Variants in PALS2 observed in about 807,000 individuals in gnomAD.
The protein encoded by PALS2 is protein PALS2.
PALS2 carries 27 observed loss-of-function variants against 61.6 expected under a neutral mutation model. The observed-to-expected ratio is 0.44, with a 90% confidence interval of 0.32 to 0.60. The LOEUF is 0.60. PALS2 is among the 20% of genes least tolerant of loss of function. PALS2 has a pLI of 0.05. For missense variants in PALS2, 554 were observed against 639.4 expected, an observed-to-expected ratio of 0.87 and a Z score of 1.44; for synonymous variants, 236 against 218.6, an observed-to-expected ratio of 1.08 and a Z score of -0.70.
intron 2 of PALS2, among the ~76,000 whole-genome samples, chr7:24,635,697 A>T (rs998901176): frequency 1.3e-5 from 2 of 152,134 alleles, no homozygotes; most frequent in Non-Finnish European, 2.9e-5. Flanking sequence ...GCTATCCTAT[A>T]CCTTGATTTT....
intron 2 of PALS2, among the ~76,000 whole-genome samples, chr7:24,624,765 C>G (rs1236993238): frequency 6.6e-6 from 1 of 151,864 alleles, no homozygotes; most frequent in Non-Finnish European, 1.5e-5. Context: ...TGCCACCACC[C>G]CTGGCTAATT....
chr7:24,658,839 G>A (rs1316054416), intron 5 of PALS2, among the ~76,000 whole-genome samples: 1 of 152,088 alleles, frequency 6.6e-6, no homozygotes, highest in Non-Finnish European at 1.5e-5. Context: ...GCAGGTGTGA[G>A]CCACTGCACC....
At chr7:24,574,993 AG>A (rs1443144477) in intron 1 of PALS2, among the ~76,000 whole-genome samples, 1 of 152,194 alleles carries the variant, frequency 6.6e-6, no homozygotes, top group African/African-American at 2.4e-5. Context: ...CAGTAAACAA[AG>A]AACTTTTGTG....
chr7:24,633,702 G>A (rs1785110278), intron 2 of PALS2, among the ~76,000 whole-genome samples: 1 of 151,948 alleles, frequency 6.6e-6, no homozygotes, highest in Non-Finnish European at 1.5e-5. Context: ...GAATATTGCT[G>A]CCATAAACAT....
In PALS2 at chr7:24,649,740, T is replaced by G. The variant is rs530591233; in HGVS notation, c.399T>G (p.Ile133Met). ...TAGATGCCATTCGTATTCTTGGTAT[T>G]CACAAAAGAGCTGGGGAACCACTGG... ...LPVDAIRILGIHKRAGEPLGV... is the reference protein window; with the variant it reads ...LPVDAIRILGMHKRAGEPLGV... The change falls in exon 4 of 12, where the codon ATT becomes ATG. Residue 133 changes from isoleucine (I) to methionine (M), a missense_variant. Ile to Met is a conservative substitution (Grantham distance 10). Transcript: ENST00000222644. The G allele has an allele frequency of 6.2e-7, 1 of 1,609,976 alleles. No individual in the cohort carries two copies. The highest frequency in any genetic ancestry group is 1.1e-5 in the South Asian group (1 of 90,264).
intron 1 of PALS2, among the ~76,000 whole-genome samples, chr7:24,577,316 G>T: frequency 7.4e-6 from 1 of 135,798 alleles, no homozygotes; most frequent in East Asian, 2.1e-4. Context: ...GATACTTTCT[G>T]CTTAGGAATA....
At chr7:24,665,502 T>G in intron 6 of PALS2, 86 bp from the exon 7 acceptor site, 2 of 1,215,202 alleles carry the variant, frequency 1.6e-6, no homozygotes, top group Non-Finnish European at 2.4e-6. Flanking sequence ...TGTGACTTTT[T>G]TGACTGACCA....
chr7:24,622,803 G>A (rs1784575092), intron 1 of PALS2, among the ~76,000 whole-genome samples: 1 of 150,948 alleles, frequency 6.6e-6, no homozygotes, highest in African/African-American at 2.4e-5. Context: ...CATTAAGTAT[G>A]ATATTAGCTG....
At chr7:24,588,808 C>T (rs889174875) in intron 1 of PALS2, among the ~76,000 whole-genome samples, 7 of 152,030 alleles carry the variant, frequency 4.6e-5, no homozygotes, top group Non-Finnish European at 7.4e-5. Context: ...TTTGGTTAAG[C>T]AGAGCAAAAT....
intron 2 of PALS2, chr7:24,624,126 T>C: frequency 7.6e-7 from 1 of 1,308,430 alleles, no homozygotes; most frequent in Non-Finnish European, 1.0e-6. Flanking sequence ...GATTTTCTTC[T>C]TTTGCATTAG....
chr7:24,676,363 G>A (rs1338074934), intron 9 of PALS2, among the ~76,000 whole-genome samples: 1 of 151,262 alleles, frequency 6.6e-6, no homozygotes. Flanking sequence ...TTCCTGTGCA[G>A]AAGCTCTTTA....
chr7:24,585,760 G>A (rs1583831597), intron 1 of PALS2, among the ~76,000 whole-genome samples: 1 of 152,194 alleles, frequency 6.6e-6, no homozygotes, highest in Middle Eastern at 3.4e-3. Context: ...CTGCAGTGCC[G>A]AGATCTCGGC....
At chr7:24,662,824 G>T (rs1312515416) in intron 5 of PALS2, among the ~76,000 whole-genome samples, 2 of 145,712 alleles carry the variant, frequency 1.4e-5, no homozygotes, top group African/African-American at 2.5e-5. Context: ...CAATTGGTCT[G>T]AACCTTCCAT....
intron 2 of PALS2, among the ~76,000 whole-genome samples, chr7:24,640,968 A>G (rs899056194): frequency 2.9e-5 from 4 of 135,646 alleles, no homozygotes; most frequent in Admixed American, 8.9e-5. Flanking sequence ...AGGTCGCGCC[A>G]CTGCACTCCA....
In PALS2 at chr7:24,680,468, G is replaced by A. The variant is rs376370471; in HGVS notation, c.1394G>A (p.Arg465His). Residue 465 changes from arginine to histidine, a missense_variant, in exon 11 of 12, where the codon CGT (arginine) becomes CAT (histidine). Transcript: ENST00000222644. ...GCGGCTCCGGAGCTAGAGACGTTAC[G>A]TGCCATGCACAAGGCTGTGGTGGAT... ...FIAAPELETL[R>H]AMHKAVVDAG... 5.2e-5 allele frequency: 84 copies of A among 1,613,952 alleles called. No individual in the cohort carries two copies. The highest frequency in any genetic ancestry group is 6.9e-5 in the Non-Finnish European group (81 of 1,179,948).
At chr7:24,667,190 TG>T (rs1487403718) in intron 8 of PALS2, among the ~76,000 whole-genome samples, 1 of 152,192 alleles carries the variant, frequency 6.6e-6, no homozygotes, top group African/African-American at 2.4e-5. Flanking sequence ...ATCATCACTT[TG>T]GCCCTATTAT....
chr7:24,592,836 A>G (rs1040240933), intron 1 of PALS2, among the ~76,000 whole-genome samples: 5 of 152,102 alleles, frequency 3.3e-5, no homozygotes, highest in Admixed American at 2.0e-4. Context: ...AGAGAGTTGA[A>G]GTCTTTTGCT....
At chr7:24,586,455 C>T (rs1449144537) in intron 1 of PALS2, among the ~76,000 whole-genome samples, 4 of 151,816 alleles carry the variant, frequency 2.6e-5, no homozygotes, top group Non-Finnish European at 5.9e-5. Context: ...ATGGAATAAC[C>T]AAGGAAAAAA....
At chr7:24,680,548 A>AAAATCTT (rs748075642) in intron 11 of PALS2, 28 bp downstream of exon 11, 7 of 1,594,626 alleles carry the variant, frequency 4.4e-6, no homozygotes, top group Non-Finnish European at 6.0e-6. Context: ...TTTTCCTTCT[A>AAAATCTT]AAATCTTTCC....
Sources: allele counts gnomAD v4.1 joint callset (sites outside exome capture counted in the v4.1 genomes callset), GRCh38; gene constraint gnomAD v4.1.1; transcripts MANE v1.5; gene names NCBI Gene and HGNC (gene_info 2026-07-23, HGNC 2026-07-21).